The following PCDH11X variants were observed in gnomAD, a reference collection of about 807,000 sequenced individuals.
The protein encoded by PCDH11X is protocadherin-11 X-linked.
A neutral mutation model predicts 53.3 loss-of-function variants in PCDH11X; 18 were observed. The ratio of observed to expected loss-of-function variants is 0.34; its 90% confidence interval spans 0.23 to 0.50. The LOEUF (loss-of-function observed/expected upper bound fraction) is 0.50. Ranked by LOEUF, PCDH11X falls within the 20% of genes least tolerant of loss-of-function variation. PCDH11X has a pLI of 0.98. For missense variants in PCDH11X, 570 were observed against 1,032.4 expected, an observed-to-expected ratio of 0.55 and a Z score of 6.14; for synonymous variants, 279 against 393.3, an observed-to-expected ratio of 0.71 and a Z score of 3.44.
intron 5 of PCDH11X, among the ~76,000 whole-genome samples, chrX:91,876,087 C>G (rs1332757142): frequency 1.8e-5 from 2 of 111,788 alleles, no homozygotes; most frequent in Non-Finnish European, 3.8e-5. Context: ...TTAAAATATA[C>G]TTTTTTCTTT....
intron 10 of PCDH11X, among the ~76,000 whole-genome samples, chrX:92,573,946 C>T (rs1168486368): frequency 2.7e-5 from 3 of 110,649 alleles, no homozygotes; most frequent in Non-Finnish European, 3.8e-5. Flanking sequence ...AGGTATGATT[C>T]GTGTGCCTCA....
At chrX:91,969,672 C>G (rs755474626) in intron 6 of PCDH11X, among the ~76,000 whole-genome samples, 5 of 108,230 alleles carry the variant, frequency 4.6e-5, no homozygotes, top group Non-Finnish European at 7.6e-5. Flanking sequence ...GTGGTATGCT[C>G]CTGTGTCCCA....
intron 6 of PCDH11X, among the ~76,000 whole-genome samples, chrX:92,124,705 G>C (rs1310757932): frequency 9.1e-6 from 1 of 109,567 alleles, no homozygotes; most frequent in East Asian, 2.9e-4. Context: ...GACAAACAGG[G>C]AATCTGAATG....
rs757621790 is a variant in PCDH11X at position 92,112,672 on chromosome X, C to G, written c.3034-88703C>G. On this transcript the variant is annotated intron_variant, in intron 6 of 10. Transcript: ENST00000682573. The stretch of plus-strand genomic sequence containing the variant: ...TGATAATCCATTTATAGATTTAATT[C>G]ATCATGAGGCTCCTAGTAATGAGTT... Among the ~76,000 whole-genome samples, 72 of 109,397 alleles carry G rather than the reference C, an allele frequency of 6.6e-4. 6 individuals are homozygous for G. The highest frequency in any genetic ancestry group is 2.4e-3 in the African/African-American group (70 of 28,703). 95.0% of individuals were successfully genotyped at this position (109,397 alleles called of 115,157 possible). A position where few individuals can be genotyped will look rare whatever the true frequency, so the allele number is the denominator to read the frequency against.
At position 91,841,967 on chromosome X, in the gene PCDH11X, AGTTT is replaced by A. The variant is rs1022084609; in HGVS notation, c.540+5929_540+5932del. Among the ~76,000 whole-genome samples, 24 of 93,147 alleles carry A rather than the reference AGTTT, an allele frequency of 2.6e-4. 1 individual carries two copies. In the Admixed American group the frequency reaches 2.7e-3, roughly 10 times the overall value. 80.9% of individuals were successfully genotyped at this position (93,147 alleles called of 115,157 possible). On this transcript the variant is annotated intron_variant, in intron 5 of 10. Coordinates refer to ENST00000682573, the MANE Select transcript of PCDH11X (RefSeq NM_032968.5). ...AGGTCATTCTGCAGAAAACTTTCTG[AGTTT>A]GTTTGAGTTTTATCTATAAAATAAT... is the stretch of plus-strand genomic sequence containing the variant.
At chrX:92,314,369 TATG>T (rs1265682907) in intron 8 of PCDH11X, among the ~76,000 whole-genome samples, 1 of 111,467 alleles carries the variant, frequency 9.0e-6, no homozygotes, top group African/African-American at 3.3e-5. Flanking sequence ...TGTCATCTCT[TATG>T]ATAACAATGC....
At chrX:92,021,812 C>T (rs1006335671) in intron 6 of PCDH11X, among the ~76,000 whole-genome samples, 2 of 109,406 alleles carry the variant, frequency 1.8e-5, no homozygotes, top group African/African-American at 6.7e-5. Flanking sequence ...ATCATACTAA[C>T]AGCAGACTCT....
Position 92,239,067 on chromosome X carries a change from C to T in PCDH11X, c.3115-24047C>T, listed in dbSNP as rs185124174. Among the ~76,000 whole-genome samples the T allele has an allele frequency of 2.9e-4, 32 of 111,245 alleles. No individual in the cohort carries two copies. The Admixed American group carries it at 3.0e-3, about 10-fold the overall frequency. On this transcript the variant is annotated intron_variant, in intron 7 of 10. Transcript: ENST00000682573. The stretch of plus-strand genomic sequence containing the variant: ...GCCAGATATTATCAGCCTTTATTTT[C>T]ATCCATTGCTCATTCTTCTTAAATT...
intron 8 of PCDH11X, among the ~76,000 whole-genome samples, chrX:92,301,611 A>G (rs955226559): frequency 1.4e-4 from 15 of 109,863 alleles, no homozygotes; most frequent in Non-Finnish European, 2.8e-4. Flanking sequence ...TGTTCAATGC[A>G]TCCCTTTCCT....
chrX:92,225,172 G>A (rs775717990), intron 7 of PCDH11X, among the ~76,000 whole-genome samples: 15 of 110,831 alleles, frequency 1.4e-4, no homozygotes, highest in Non-Finnish European at 2.8e-4. Context: ...CTCTTCTAAG[G>A]CAATATAATT....
chrX:92,395,873 G>A (rs1340753594), intron 9 of PCDH11X, among the ~76,000 whole-genome samples: 1 of 109,047 alleles, frequency 9.2e-6, no homozygotes, highest in Non-Finnish European at 1.9e-5. Flanking sequence ...ATAAAATTTA[G>A]CATTATCATC....
chrX:92,054,713 G>A (rs769034185), intron 6 of PCDH11X, among the ~76,000 whole-genome samples: 3 of 107,948 alleles, frequency 2.8e-5, no homozygotes, highest in Admixed American at 1.0e-4. Flanking sequence ...CCAGCTACTC[G>A]GGAGGCTGAG....
At chrX:92,416,539 T>TA (rs34223136) in intron 9 of PCDH11X, among the ~76,000 whole-genome samples, 23 of 104,632 alleles carry the variant, frequency 2.2e-4, no homozygotes, top group Middle Eastern at 4.9e-3. Context: ...CACGTGTTTA[T>TA]AAAAAAAAAA....
At chrX:92,445,085 A>T (rs995606714) in intron 9 of PCDH11X, among the ~76,000 whole-genome samples, 1 of 102,889 alleles carries the variant, frequency 9.7e-6, no homozygotes, top group African/African-American at 3.5e-5. Context: ...AAAGAGCTGC[A>T]GAGGAGCTCT....
chrX:92,255,034 G>A (rs948982174), intron 7 of PCDH11X, among the ~76,000 whole-genome samples: 1 of 98,140 alleles, frequency 1.0e-5, no homozygotes, highest in Admixed American at 1.1e-4. Flanking sequence ...CCTGCAGAGT[G>A]TTTTCCAACT....
chrX:92,528,990 C>T (rs953633995), intron 10 of PCDH11X, among the ~76,000 whole-genome samples: 5 of 111,066 alleles, frequency 4.5e-5, no homozygotes, highest in African/African-American at 1.6e-4. Flanking sequence ...TTTAAACAAA[C>T]CCAGCCTTAC....
chrX:92,101,703 T>C (rs1168982477), intron 6 of PCDH11X, among the ~76,000 whole-genome samples: 1 of 110,152 alleles, frequency 9.1e-6, no homozygotes, highest in African/African-American at 3.3e-5. Flanking sequence ...AAGTGTCTAT[T>C]TAGACTAAGA....
intron 6 of PCDH11X, among the ~76,000 whole-genome samples, chrX:92,144,021 C>T (rs995430028): frequency 1.8e-5 from 2 of 111,903 alleles, no homozygotes; most frequent in African/African-American, 6.5e-5. Context: ...CATTGGATTT[C>T]GGATTTGCAT....
intron 10 of PCDH11X, among the ~76,000 whole-genome samples, chrX:92,472,807 G>A (rs2073295629): frequency 9.1e-6 from 1 of 110,383 alleles, no homozygotes; most frequent in Admixed American, 9.7e-5. Context: ...CTGAGCCATG[G>A]CTTGTAGTTC....
Sources: allele counts gnomAD v4.1 joint callset (sites outside exome capture counted in the v4.1 genomes callset), GRCh38; gene constraint gnomAD v4.1.1; transcripts MANE v1.5; gene names NCBI Gene and HGNC (gene_info 2026-07-23, HGNC 2026-07-21).